ANKRD30A: variants seen among roughly 807,000 people sequenced by gnomAD.
The protein encoded by ANKRD30A is ankyrin repeat domain-containing protein 30A.
Under a neutral mutation model 166.3 loss-of-function variants are expected in ANKRD30A, and 170 were observed. The observed-to-expected ratio is 1.02, with a 90% CI of 0.90 to 1.16. The LOEUF is 1.16. Ranked by LOEUF, ANKRD30A falls within the 50% of genes most tolerant of loss-of-function variation. The pLI, the probability that ANKRD30A is intolerant of heterozygous loss-of-function variation, is 0.00. For missense variants in ANKRD30A, 1,630 were observed against 1,518.0 expected, an observed-to-expected ratio of 1.07 and a Z score of -1.23; for synonymous variants, 564 against 508.9, an observed-to-expected ratio of 1.11 and a Z score of -1.46.
intron 15 of ANKRD30A, among the ~76,000 whole-genome samples, chr10:37,161,682 T>A (rs1413046270): frequency 6.6e-6 from 1 of 152,176 alleles, no homozygotes; most frequent in African/African-American, 2.4e-5. Flanking sequence ...CCACAGTGAC[T>A]CATTAGGTTT....
chr10:37,203,611 A>G (rs1841796562), intron 31 of ANKRD30A, among the ~76,000 whole-genome samples: 1 of 152,230 alleles, frequency 6.6e-6, no homozygotes, highest in African/African-American at 2.4e-5. Context: ...CTGCTATTCA[A>G]CATAGTGTTG....
At chr10:37,260,074 G>T in the ANKRD30A span, among the ~76,000 whole-genome samples, 9 of 152,064 alleles carry the variant, frequency 5.9e-5, no homozygotes, top group South Asian at 2.1e-4. Context: ...TGGATACCCG[G>T]GGGGTGGTTG....
intron 34 of ANKRD30A, among the ~76,000 whole-genome samples, chr10:37,221,296 CA>C (rs971006753): frequency 6.6e-6 from 1 of 151,042 alleles, no homozygotes; most frequent in African/African-American, 2.4e-5. Flanking sequence ...AGATGATTTA[CA>C]AAATCAATAA....
chr10:37,265,410 G>A, the ANKRD30A span, among the ~76,000 whole-genome samples: 1 of 152,088 alleles, frequency 6.6e-6, no homozygotes, highest in South Asian at 2.1e-4. Context: ...CCAAAAACAG[G>A]CTGCTGGGCC....
the ANKRD30A span, among the ~76,000 whole-genome samples, chr10:37,259,253 C>A: frequency 6.6e-6 from 1 of 152,046 alleles, no homozygotes. Context: ...AGAATATATT[C>A]AAAGAGCCAA....
At chr10:37,229,289 A>G (rs1325924090) in intron 34 of ANKRD30A, among the ~76,000 whole-genome samples, 1 of 151,924 alleles carries the variant, frequency 6.6e-6, no homozygotes, top group Non-Finnish European at 1.5e-5. Context: ...GCCACATTCT[A>G]TTCATTAGCA....
In ANKRD30A at chr10:37,197,407, G is replaced by C; in HGVS notation, c.2644-1G>C. On this transcript the variant is annotated splice_acceptor_variant, in intron 28 of 35. Coordinates refer to ENST00000361713, the MANE Select transcript of ANKRD30A (RefSeq NM_052997.3). LOFTEE classifies it high-confidence loss of function. ...ATCATTTTGCTTCCAACCCCATTTA[G>C]CCTGCCATTGAAATGCAAAAGTCTG... 1.9e-6 allele frequency: 3 copies of C among 1,612,482 alleles called. No homozygotes were observed. The highest frequency in any genetic ancestry group is 2.5e-6 in the Non-Finnish European group (3 of 1,179,710).
rs1463120955 is a variant in ANKRD30A, at chr10:37,158,541, C to G, written c.1855C>G (p.Pro619Ala). 3.1e-6 allele frequency: 5 copies of G among 1,613,258 alleles called. No homozygotes were observed. In the African/African-American group the frequency reaches 5.3e-5, roughly 17 times the overall value. ...TACCTGCGGAATGAAAGTTTCTATT[C>G]CAACTAAAGCCTTAGAATTGAAGGA... is the stretch of plus-strand genomic sequence containing the variant. ...KATCGMKVSI[P>A]TKALELKDMQ... Residue 619 changes from proline (P) to alanine (A), a missense_variant, in exon 15 of 36, where the codon CCA becomes GCA. Pro to Ala is a conservative substitution (Grantham distance 27). Coordinates refer to ENST00000361713, the MANE Select transcript of ANKRD30A (RefSeq NM_052997.3).
At chr10:37,127,231 T>A (rs1457335168) in intron 1 of ANKRD30A, among the ~76,000 whole-genome samples, 1 of 152,060 alleles carries the variant, frequency 6.6e-6, no homozygotes, top group Non-Finnish European at 1.5e-5. Context: ...GTTTCCTAAG[T>A]GAAATGCCTG....
At chr10:37,222,761 C>G (rs1842955821) in intron 34 of ANKRD30A, among the ~76,000 whole-genome samples, 1 of 151,312 alleles carries the variant, frequency 6.6e-6, no homozygotes, top group African/African-American at 2.4e-5. Context: ...TCTGACTGTT[C>G]TGACTCTCAT....
chr10:37,239,359 A>G, the ANKRD30A span, among the ~76,000 whole-genome samples: 3 of 152,258 alleles, frequency 2.0e-5, no homozygotes, highest in East Asian at 1.9e-4. Flanking sequence ...ATGTGTTTAT[A>G]TAAAGAAATA....
the ANKRD30A span, among the ~76,000 whole-genome samples, chr10:37,243,158 G>T: frequency 1.1e-4 from 16 of 139,960 alleles, no homozygotes; most frequent in African/African-American, 3.7e-4. Context: ...TTTTTGAGAC[G>T]GAGTCTCGCT....
intron 7 of ANKRD30A, among the ~76,000 whole-genome samples, chr10:37,144,723 G>A (rs1837378504): frequency 6.6e-6 from 1 of 152,080 alleles, no homozygotes; most frequent in Admixed American, 6.6e-5. Flanking sequence ...GGGAGAAGAG[G>A]ATAGGACTTC....
intron 34 of ANKRD30A, among the ~76,000 whole-genome samples, chr10:37,220,372 T>C (rs1475447263): frequency 6.0e-5 from 9 of 151,192 alleles, no homozygotes; most frequent in Admixed American, 4.0e-4. Flanking sequence ...CCAGAGGAAC[T>C]GAAGTGTATT....
rs200440492 is a variant in ANKRD30A at position 37,165,094 on chromosome 10, A to T, written c.2003A>T (p.Asp668Val). 3.3e-3 allele frequency: 5,280 copies of T among 1,607,296 alleles called. 33 individuals carry two copies. Among genetic ancestry groups the T allele is most frequent in the Non-Finnish European group, 4.1e-3 (4,868 of 1,174,272 alleles). The part of the protein sequence containing the change: ...ELKNEQTLRA[D>V]EILPSESKQK... ...TGTATCTGTGATTAACCTTTTATAGATGAGATACTCCCATCAGAATCCAAA... is the reference window on the plus strand; with the variant it reads ...TGTATCTGTGATTAACCTTTTATAGTTGAGATACTCCCATCAGAATCCAAA... The change falls in exon 18 of 36, where the codon GAT becomes GTT. Residue 668 changes from aspartate to valine, a missense_variant and splice_region_variant. Asp to Val is a radical substitution (Grantham distance 152). Around this residue, in one of 4 missense-constraint regions of ANKRD30A, gnomAD observed 904 missense variants for 818.5 expected, o/e 1.10. Transcript: ENST00000361713.
intron 5 of ANKRD30A, 130 bp downstream of exon 5, chr10:37,134,183 T>C: frequency 9.3e-7 from 1 of 1,075,146 alleles, no homozygotes; most frequent in Non-Finnish European, 1.3e-6. Context: ...GAGTATTGGG[T>C]CCAGGATTCT....
chr10:37,258,699 C>T, the ANKRD30A span, among the ~76,000 whole-genome samples: 108 of 149,092 alleles, frequency 7.2e-4, no homozygotes, highest in Admixed American at 3.1e-3. Flanking sequence ...AGTGGTGGCT[C>T]ATGCCTGGAA....
At chr10:37,162,236 C>T (rs1470731158) in intron 15 of ANKRD30A, among the ~76,000 whole-genome samples, 1 of 152,154 alleles carries the variant, frequency 6.6e-6, no homozygotes, top group Admixed American at 6.5e-5. Flanking sequence ...GTCAGTTCTA[C>T]ATTCAGCTGA....
At chr10:37,159,371 A>T (rs1302553437) in intron 15 of ANKRD30A, among the ~76,000 whole-genome samples, 1 of 152,128 alleles carries the variant, frequency 6.6e-6, no homozygotes, top group East Asian at 1.9e-4. Context: ...AACAAAAAAT[A>T]GCCGGTTGTG....
Sources: gnomAD v4.1 joint callset for allele counts (sites outside exome capture counted in the v4.1 genomes callset) on GRCh38, gnomAD v4.1.1 for gene constraint, gnomAD v4.1.1 regional missense constraint, MANE v1.5 for transcripts, NCBI Gene and HGNC (gene_info 2026-07-23, HGNC 2026-07-21) for gene names.